The following SLC38A12 variants were observed in gnomAD, a reference collection of about 807,000 sequenced individuals.
SLC38A12 encodes solute carrier family 38 member 12.
the SLC38A12 span, chr17:74,836,109 A>C: frequency 1.2e-6 from 2 of 1,613,706 alleles, no homozygotes; most frequent in African/African-American, 2.7e-5. This position sits in a 1 kb window ranked among gnomAD's most constrained non-coding sequence, Gnocchi z 4.2. Flanking sequence ...CCACCTCACA[A>C]GGCTGGTGTT....
chr17:74,830,286 T>C, the SLC38A12 span, among the ~76,000 whole-genome samples: 109 of 152,346 alleles, frequency 7.2e-4, no homozygotes, highest in African/African-American at 2.6e-3. Flanking sequence ...AGGGATATTC[T>C]GGAAGGGAGG....
chr17:74,828,510 G>A, the SLC38A12 span, among the ~76,000 whole-genome samples: 1 of 152,198 alleles, frequency 6.6e-6, no homozygotes, highest in African/African-American at 2.4e-5. Flanking sequence ...AAGGGGATGA[G>A]CGGGCTGGGG....
At chr17:74,837,299 T>A in the SLC38A12 span, 2 of 985,314 alleles carry the variant, frequency 2.0e-6, no homozygotes, top group Non-Finnish European at 2.4e-6. Context: ...GGTACCAGAG[T>A]CCCCAGATAG....
chr17:74,807,586 C>T, the SLC38A12 span, among the ~76,000 whole-genome samples: 6 of 152,218 alleles, frequency 3.9e-5, no homozygotes, highest in Non-Finnish European at 5.9e-5. Flanking sequence ...CTCTGGTCCT[C>T]GCTGCCAGGA....
the SLC38A12 span, chr17:74,795,768 C>G: frequency 1.4e-6 from 1 of 696,296 alleles, no homozygotes; most frequent in South Asian, 1.9e-5. Flanking sequence ...TGGCTAAGCA[C>G]TGGGGCCTTG....
At chr17:74,788,736 C>T in the SLC38A12 span, 1 of 1,533,084 alleles carries the variant, frequency 6.5e-7, no homozygotes, top group African/African-American at 1.4e-5. Context: ...TTCCTTCTCT[C>T]TCTGTCTCCT....
At chr17:74,810,096 G>T in the SLC38A12 span, among the ~76,000 whole-genome samples, 1 of 152,208 alleles carries the variant, frequency 6.6e-6, no homozygotes, top group Non-Finnish European at 1.5e-5. Context: ...CTGCCTGGAG[G>T]CTCAGTGTCC....
chr17:74,808,228 A>G, the SLC38A12 span, among the ~76,000 whole-genome samples: 2 of 152,250 alleles, frequency 1.3e-5, no homozygotes, highest in Admixed American at 1.3e-4. Flanking sequence ...TGAGGGGGCC[A>G]CAGAGTGGAT....
At chr17:74,777,248 G>A in the SLC38A12 span, 847,295 of 1,507,148 alleles carry the variant, frequency 0.56, 243,650 homozygotes, top group Non-Finnish European at 0.6. Flanking sequence ...GGTGAAGCCT[G>A]CTCTTTTGTT....
the SLC38A12 span, among the ~76,000 whole-genome samples, chr17:74,790,720 C>T: frequency 6.6e-6 from 1 of 150,834 alleles, no homozygotes; most frequent in South Asian, 2.1e-4. Flanking sequence ...CTGGGTTAGG[C>T]TCTGACGCCT....
At chr17:74,813,323 G>GA in the SLC38A12 span, among the ~76,000 whole-genome samples, 1 of 152,192 alleles carries the variant, frequency 6.6e-6, no homozygotes, top group Non-Finnish European at 1.5e-5. Flanking sequence ...CCTTCCAAGT[G>GA]TTTTCTCTGT....
chr17:74,829,354 G>A, the SLC38A12 span, among the ~76,000 whole-genome samples: 1 of 152,178 alleles, frequency 6.6e-6, no homozygotes, highest in South Asian at 2.1e-4. This position sits in a 1 kb window ranked among gnomAD's most constrained non-coding sequence, Gnocchi z 4.1. Context: ...AAACTCCTGG[G>A]CTCAAGTAAT....
the SLC38A12 span, among the ~76,000 whole-genome samples, chr17:74,799,730 C>T: frequency 6.6e-6 from 1 of 152,210 alleles, no homozygotes; most frequent in Non-Finnish European, 1.5e-5. Context: ...TGCCAGGATT[C>T]CATCTTGGCC....
chr17:74,804,936 T>C, the SLC38A12 span, among the ~76,000 whole-genome samples: 1 of 152,206 alleles, frequency 6.6e-6, no homozygotes, highest in Non-Finnish European at 1.5e-5. Context: ...ATCAGGAAAG[T>C]GTTTCTCAAG....
At chr17:74,796,662 G>C in the SLC38A12 span, among the ~76,000 whole-genome samples, 1 of 152,226 alleles carries the variant, frequency 6.6e-6, no homozygotes, top group African/African-American at 2.4e-5. Context: ...GTCAGCTAAT[G>C]GTCAGTGTGT....
chr17:74,782,192 C>T, the SLC38A12 span, among the ~76,000 whole-genome samples: 44 of 152,114 alleles, frequency 2.9e-4, no homozygotes, highest in South Asian at 6.2e-4. Flanking sequence ...CTCAGCCTCC[C>T]GAGTAGCTGG....
the SLC38A12 span, among the ~76,000 whole-genome samples, chr17:74,783,668 C>T: frequency 6.6e-6 from 1 of 151,942 alleles, no homozygotes; most frequent in African/African-American, 2.4e-5. Context: ...CTCCTTCTCC[C>T]AGCCAATAGC....
the SLC38A12 span, among the ~76,000 whole-genome samples, chr17:74,797,971 G>T: frequency 1.3e-5 from 2 of 152,216 alleles, no homozygotes; most frequent in African/African-American, 4.8e-5. Context: ...TGTTTCAGAA[G>T]ATTGTCCATC....
At chr17:74,796,126 G>A in the SLC38A12 span, among the ~76,000 whole-genome samples, 1 of 152,172 alleles carries the variant, frequency 6.6e-6, no homozygotes, top group Non-Finnish European at 1.5e-5. Context: ...GTGGACAAGA[G>A]AAGACGATGA....
Sources: gnomAD v4.1 joint callset for allele counts (sites outside exome capture counted in the v4.1 genomes callset) on GRCh38, gnomAD v4.1.1 for gene constraint, Gnocchi (gnomAD v3.1) non-coding constraint, MANE v1.5 for transcripts, NCBI Gene and HGNC (gene_info 2026-07-23, HGNC 2026-07-21) for gene names.